The following ANKRD42 variants were observed in gnomAD, a reference collection of about 807,000 sequenced individuals.
ANKRD42 encodes the protein ankyrin repeat domain 42.
A neutral mutation model predicts 51.5 loss-of-function variants in ANKRD42; 43 were observed. That is an observed-to-expected ratio of 0.83 (90% confidence interval 0.65 to 1.08). The LOEUF (loss-of-function observed/expected upper bound fraction) is 1.08. Among genes scored for constraint, ANKRD42 ranks in the 50% least tolerant of loss-of-function variants. The pLI is 0.00. For missense variants in ANKRD42, 608 were observed against 629.3 expected, an observed-to-expected ratio of 0.97 and a Z score of 0.36; for synonymous variants, 203 against 213.0, an observed-to-expected ratio of 0.95 and a Z score of 0.41.
At position 83,248,357 on chromosome 11, in the gene ANKRD42, T is replaced by C; in HGVS notation, c.*153T>C. 7.4e-7 allele frequency: 1 copy of C among 1,354,740 alleles called. No homozygotes were observed. The highest frequency in any genetic ancestry group is 9.4e-7 in the Non-Finnish European group (1 of 1,061,260). 83.9% of individuals were successfully genotyped at this position (1,354,740 alleles called of 1,614,324 possible). A position where few individuals can be genotyped will look rare whatever the true frequency, so the allele number is the denominator to read the frequency against. ...CACACTCTATATGTAACTATAACTT[T>C]CTAGATACATACACACATCTGTCTA... On this transcript the variant is annotated 3_prime_UTR_variant, in exon 11 of 11. Coordinates refer to ENST00000533342, the MANE Select transcript of ANKRD42 (RefSeq NM_001300975.2).
At chr11:83,226,656 A>G (rs565007308) in intron 6 of ANKRD42, among the ~76,000 whole-genome samples, 7 of 152,196 alleles carry the variant, frequency 4.6e-5, no homozygotes, top group Non-Finnish European at 1.0e-4. Context: ...AATACAATAA[A>G]GACCAGCAAG....
intron 6 of ANKRD42, among the ~76,000 whole-genome samples, chr11:83,225,317 A>G (rs769732109): frequency 2.3e-4 from 35 of 152,208 alleles, no homozygotes; most frequent in Non-Finnish European, 3.8e-4. Context: ...CGGTAATCCC[A>G]GAACTTCGGG....
intron 3 of ANKRD42, among the ~76,000 whole-genome samples, chr11:83,208,119 GC>G (rs1862150116): frequency 6.6e-6 from 1 of 152,022 alleles, no homozygotes; most frequent in Non-Finnish European, 1.5e-5. Flanking sequence ...AACCTCCTGG[GC>G]CCAAGTGATC....
chr11:83,227,200 C>T (rs12270854), intron 6 of ANKRD42, among the ~76,000 whole-genome samples: 5,999 of 152,228 alleles, frequency 0.039, 391 homozygotes, highest in African/African-American at 0.14. Flanking sequence ...GCAACCTCCA[C>T]CTCCCAGGTT....
chr11:83,200,419 C>G (rs1291890528), intron 2 of ANKRD42, among the ~76,000 whole-genome samples: 1 of 152,212 alleles, frequency 6.6e-6, no homozygotes, highest in Non-Finnish European at 1.5e-5. Flanking sequence ...GCATATCTGA[C>G]TGGCATCTCA....
At chr11:83,245,935 A>G (rs955962250) in intron 10 of ANKRD42, among the ~76,000 whole-genome samples, 1 of 152,220 alleles carries the variant, frequency 6.6e-6, no homozygotes, top group African/African-American at 2.4e-5. Flanking sequence ...TAGTCTCTGA[A>G]CATTTTCATC....
chr11:83,248,641 A>T lies in ANKRD42; in HGVS notation c.*437A>T. The stretch of plus-strand genomic sequence containing the variant: ...GTCACCTCAAATCTGATCTATTAAT[A>T]TTATAGAATCTTCCTGGCTTCTTTT... On this transcript the variant is annotated 3_prime_UTR_variant, in exon 11 of 11. Transcript: ENST00000533342. 1 of 985,472 alleles carries T rather than the reference A, an allele frequency of 1.0e-6. No individual in the cohort carries two copies. The highest frequency in any genetic ancestry group is 1.2e-6 in the Non-Finnish European group (1 of 829,906). 61.0% of individuals were successfully genotyped at this position (985,472 alleles called of 1,614,324 possible).
At chr11:83,232,698 C>T (rs558026339) in intron 7 of ANKRD42, among the ~76,000 whole-genome samples, 1 of 152,064 alleles carries the variant, frequency 6.6e-6, no homozygotes, top group Non-Finnish European at 1.5e-5. Flanking sequence ...TTCATATTCA[C>T]TATTATACTA....
chr11:83,201,132 A>C (rs749716306), intron 2 of ANKRD42, among the ~76,000 whole-genome samples: 1 of 152,040 alleles, frequency 6.6e-6, no homozygotes, highest in Non-Finnish European at 1.5e-5. Flanking sequence ...TATTTGTCCT[A>C]ATGCTCCGCC....
chr11:83,227,912 T>C (rs376922138), intron 7 of ANKRD42, 40 bp downstream of exon 7: 208 of 1,551,730 alleles, frequency 1.3e-4, no homozygotes, highest in Non-Finnish European at 1.7e-4. Flanking sequence ...ATACAATAGC[T>C]GCTGAGTTAT....
chr11:83,217,303 G>A (rs1320922624), intron 5 of ANKRD42, among the ~76,000 whole-genome samples: 1 of 152,104 alleles, frequency 6.6e-6, no homozygotes, highest in Non-Finnish European at 1.5e-5. Flanking sequence ...TTGGTAATTT[G>A]TTCCCTATAT....
At chr11:83,238,466 C>A (rs949815625) in intron 8 of ANKRD42, among the ~76,000 whole-genome samples, 2 of 152,124 alleles carry the variant, frequency 1.3e-5, no homozygotes, top group African/African-American at 4.8e-5. Context: ...GAGGCCAAGG[C>A]AGTGGATCAC....
In ANKRD42 at chr11:83,245,610, G is replaced by A; in HGVS notation, c.1308G>A (p.Gln436=). The A allele has an allele frequency of 6.5e-7, 1 of 1,535,760 alleles. No individual in the cohort carries two copies. Among genetic ancestry groups the A allele is most frequent in the Non-Finnish European group, 8.7e-7 (1 of 1,146,740 alleles). ...AAGATTTAAAGCAGAAGAAAGAACAGCTTGAGTCTGAAAAGTAATGTCCTT... is the reference window on the plus strand; with the variant it reads ...AAGATTTAAAGCAGAAGAAAGAACAACTTGAGTCTGAAAAGTAATGTCCTT... ...TEEDLKQKKE[Q]LESEKTIKEL... The change falls in exon 10 of 11, where the codon CAG becomes CAA. Residue 436 remains glutamine (Q), a synonymous_variant. Transcript: ENST00000533342.
rs905074352 is a variant in ANKRD42, at chr11:83,240,883, G to T, written c.1144G>T (p.Asp382Tyr). The T allele has an allele frequency of 6.2e-7, 1 of 1,613,946 alleles. No homozygotes were observed. Among genetic ancestry groups the T allele is most frequent in the African/African-American group, 1.3e-5 (1 of 74,934 alleles). ...AAGACATGGTGTTGAGGGAAGCACT[G>T]ATGCCAAGGATGATTTATGTCTGAG... ...FIRHGVEGST[D>Y]AKDDLCLSDL... The change falls in exon 9 of 11, where the codon GAT becomes TAT. Residue 382 changes from aspartate (D) to tyrosine (Y), a missense_variant. Transcript: ENST00000533342.
chr11:83,259,288 T>C (rs868063242), downstream of ANKRD42: 2 of 152,192 alleles, frequency 1.3e-5, no homozygotes, highest in Admixed American at 6.5e-5. Context: ...TTATTTCATA[T>C]ATTTCCATCA....
intron 10 of ANKRD42, among the ~76,000 whole-genome samples, chr11:83,247,420 A>G (rs1435098343): frequency 6.6e-6 from 1 of 151,908 alleles, no homozygotes; most frequent in Non-Finnish European, 1.5e-5. Flanking sequence ...TTTTTCTTGT[A>G]CTTCATCAGG....
intron 7 of ANKRD42, among the ~76,000 whole-genome samples, chr11:83,228,231 CTTTTTTTT>C (rs11403803): frequency 0.091 from 5,348 of 58,764 alleles, 986 homozygotes; most frequent in South Asian, 0.22. Flanking sequence ...CTCTCTCTCT[CTTTTTTTT>C]TTTTTTTTTT....
intron 2 of ANKRD42, among the ~76,000 whole-genome samples, chr11:83,199,387 A>G (rs1325423049): frequency 6.6e-6 from 1 of 152,130 alleles, no homozygotes; most frequent in Non-Finnish European, 1.5e-5. Flanking sequence ...CACATTATGT[A>G]TATTATTCTT....
chr11:83,203,946 C>T (rs549296221), intron 2 of ANKRD42, among the ~76,000 whole-genome samples: 5 of 152,098 alleles, frequency 3.3e-5, no homozygotes, highest in Admixed American at 3.3e-4. Flanking sequence ...TCTCTCTTCT[C>T]TCTTTTCTCT....
Sources: allele counts gnomAD v4.1 joint callset (sites outside exome capture counted in the v4.1 genomes callset), GRCh38; gene constraint gnomAD v4.1.1; transcripts MANE v1.5; gene names NCBI Gene and HGNC (gene_info 2026-07-23, HGNC 2026-07-21).